Variants in PLCE1 observed in about 807,000 individuals in gnomAD.
PLCE1 encodes the protein phospholipase C epsilon 1, also known as 1-phosphatidylinositol 4,5-bisphosphate phosphodiesterase epsilon-1.
PLCE1 carries 119 observed loss-of-function variants against 242.8 expected under a neutral mutation model. The ratio of observed to expected loss-of-function variants is 0.49; its 90% CI spans 0.42 to 0.57. PLCE1 has a LOEUF of 0.57. Among genes scored for constraint, PLCE1 ranks in the 20% least tolerant of loss-of-function variants. The pLI is 0.00. For missense variants in PLCE1, 2,441 were observed against 2,788.8 expected, an observed-to-expected ratio of 0.88 and a Z score of 2.81; for synonymous variants, 945 against 1,017.4, an observed-to-expected ratio of 0.93 and a Z score of 1.35.
At chr10:94,049,344 G>T (rs1446304806) in intron 2 of PLCE1, among the ~76,000 whole-genome samples, 1 of 152,016 alleles carries the variant, frequency 6.6e-6, no homozygotes, top group East Asian at 1.9e-4. Context: ...TTTTGTATAT[G>T]GTGTGACGTA....
At chr10:94,217,222 A>T (rs564773680) in intron 4 of PLCE1, among the ~76,000 whole-genome samples, 1 of 151,958 alleles carries the variant, frequency 6.6e-6, no homozygotes, top group South Asian at 2.1e-4. Flanking sequence ...TGTAGAGCTG[A>T]AAGGATAGGA....
intron 2 of PLCE1, among the ~76,000 whole-genome samples, chr10:94,064,379 T>C (rs2044142586): frequency 6.6e-6 from 1 of 152,022 alleles, no homozygotes; most frequent in African/African-American, 2.4e-5. Context: ...GGCAAAACCC[T>C]GTCTCTACAA....
intron 4 of PLCE1, among the ~76,000 whole-genome samples, chr10:94,207,199 A>G (rs947067899): frequency 6.6e-6 from 1 of 152,142 alleles, no homozygotes; most frequent in African/African-American, 2.4e-5. Flanking sequence ...CATCAGTGAC[A>G]CGTCAGGAGC....
chr10:94,087,349 C>CAAA (rs57482986), intron 2 of PLCE1, among the ~76,000 whole-genome samples: 6 of 67,470 alleles, frequency 8.9e-5, no homozygotes, highest in Non-Finnish European at 1.1e-4. Flanking sequence ...GACCCTGTCT[C>CAAA]AAAAAAAAAA....
intron 3 of PLCE1, among the ~76,000 whole-genome samples, chr10:94,156,223 C>T (rs556242321): frequency 5.3e-5 from 8 of 152,142 alleles, no homozygotes; most frequent in African/African-American, 1.2e-4. Context: ...ACCAACTGGG[C>T]GTCTTATAAC....
At chr10:94,170,837 A>T (rs768031249) in intron 3 of PLCE1, among the ~76,000 whole-genome samples, 2 of 152,090 alleles carry the variant, frequency 1.3e-5, no homozygotes, top group Non-Finnish European at 2.9e-5. Flanking sequence ...TGTCATTCTG[A>T]TGGTAGTTAG....
intron 30 of PLCE1, among the ~76,000 whole-genome samples, chr10:94,324,138 CA>C (rs2133903571): frequency 6.6e-6 from 1 of 152,282 alleles, no homozygotes; most frequent in African/African-American, 2.4e-5. Context: ...ACACCTAATT[CA>C]TAGACTGTTG....
At chr10:94,078,313 G>A (rs7909098) in intron 2 of PLCE1, among the ~76,000 whole-genome samples, 5,766 of 152,228 alleles carry the variant, frequency 0.038, 281 homozygotes, top group African/African-American at 0.1. Context: ...GTTGAAATGA[G>A]CAGGTTGTGG....
In PLCE1 at chr10:94,284,015, C is replaced by T. The variant is rs1212264309; in HGVS notation, c.4917+104C>T. 9 of 1,347,926 alleles carry T rather than the reference C, an allele frequency of 6.7e-6. No individual in the cohort carries two copies. The East Asian group carries it at 7.5e-5, about 11-fold the overall frequency. The allele number at this position is 1,347,926 out of a possible 1,614,324, so 83.5% of individuals were successfully genotyped here. On this transcript the variant is annotated intron_variant, in intron 21 of 32. Coordinates refer to ENST00000371380, the MANE Select transcript of PLCE1 (RefSeq NM_016341.4). ...CCTGTCCCTCCCTTTCACCTTTCCC[C>T]TCACTTTCCCTTAGATACCTGCCAA...
At chr10:94,285,189 A>G (rs1361641303) in intron 22 of PLCE1, among the ~76,000 whole-genome samples, 3 of 152,196 alleles carry the variant, frequency 2.0e-5, no homozygotes, top group Non-Finnish European at 4.4e-5. Flanking sequence ...ATGTCTTTTT[A>G]TAATAGTTAA....
chr10:94,041,293 A>G (rs568069918), intron 2 of PLCE1, among the ~76,000 whole-genome samples: 1 of 151,880 alleles, frequency 6.6e-6, no homozygotes, highest in African/African-American at 2.4e-5. Context: ...CTTCCCCAGA[A>G]CTACTGCAGG....
chr10:94,218,532 T>C (rs2049606141), intron 4 of PLCE1, among the ~76,000 whole-genome samples: 1 of 152,168 alleles, frequency 6.6e-6, no homozygotes, highest in African/African-American at 2.4e-5. Context: ...ATAAATAGTA[T>C]TATAATGACA....
intron 4 of PLCE1, among the ~76,000 whole-genome samples, chr10:94,222,497 C>T (rs576731748): frequency 2.0e-4 from 31 of 152,282 alleles, no homozygotes; most frequent in Admixed American, 7.2e-4. Flanking sequence ...ACTAAATGTG[C>T]GCTAGGGTCA....
intron 18 of PLCE1, among the ~76,000 whole-genome samples, chr10:94,271,084 G>A (rs945060932): frequency 6.6e-6 from 1 of 152,020 alleles, no homozygotes; most frequent in African/African-American, 2.4e-5. Context: ...TTAGAGCCTG[G>A]GCCCTCTCTG....
chr10:94,252,183 G>A (rs2137622102), intron 8 of PLCE1, 133 bp from the exon 9 acceptor site: 2 of 747,778 alleles, frequency 2.7e-6, no homozygotes, highest in South Asian at 1.6e-5. Context: ...CAGTCACTTG[G>A]GTGGCCAGAT....
chr10:94,020,306 A>C (rs2061353919), intron 1 of PLCE1, among the ~76,000 whole-genome samples: 1 of 152,174 alleles, frequency 6.6e-6, no homozygotes, highest in African/African-American at 2.4e-5. Context: ...CTTCTTCAAT[A>C]AAGTGCTTAT....
intron 14 of PLCE1, among the ~76,000 whole-genome samples, chr10:94,265,398 G>T (rs781393965): frequency 2.0e-5 from 3 of 152,156 alleles, no homozygotes; most frequent in Non-Finnish European, 4.4e-5. Context: ...ATAGAAATCA[G>T]CCTTCTTTTC....
intron 4 of PLCE1, chr10:94,225,291 A>G (rs1176181278): frequency 1.3e-5 from 2 of 151,942 alleles, no homozygotes; most frequent in Non-Finnish European, 2.9e-5. Context: ...TCTTCTCAGT[A>G]TTTTCTCCTT....
At chr10:94,276,062 T>C (rs1338620895) in intron 19 of PLCE1, among the ~76,000 whole-genome samples, 2 of 152,210 alleles carry the variant, frequency 1.3e-5, no homozygotes, top group East Asian at 3.9e-4. Context: ...TTGTGAATTT[T>C]GTTTCTGTCA....
Sources: gnomAD v4.1 joint callset for allele counts (sites outside exome capture counted in the v4.1 genomes callset) on GRCh38, gnomAD v4.1.1 for gene constraint, MANE v1.5 for transcripts, NCBI Gene and HGNC (gene_info 2026-07-23, HGNC 2026-07-21) for gene names.